GAS2: variants seen among roughly 807,000 people sequenced by gnomAD.
GAS2 encodes the protein growth arrest-specific protein 2.
GAS2 carries 20 observed loss-of-function variants against 37.5 expected under a neutral mutation model. The ratio of observed to expected loss-of-function variants is 0.53; its 90% CI spans 0.37 to 0.77. The LOEUF is 0.77. GAS2 is among the 30% of genes least tolerant of loss of function. GAS2 has a pLI of 0.00. For missense variants in GAS2, 336 were observed against 373.4 expected (o/e 0.90, Z 0.82); for synonymous variants, 144 against 132.2 (o/e 1.09, Z -0.61).
intron 2 of GAS2, among the ~76,000 whole-genome samples, chr11:22,676,695 A>G (rs1565079073): frequency 6.6e-6 from 1 of 152,200 alleles, no homozygotes; most frequent in Non-Finnish European, 1.5e-5. Flanking sequence ...TAGTTCAGTG[A>G]AACTTAATTT....
intron 7 of GAS2, among the ~76,000 whole-genome samples, chr11:22,792,325 A>G (rs1053817144): frequency 2.6e-5 from 4 of 152,220 alleles, no homozygotes; most frequent in Non-Finnish European, 5.9e-5. Context: ...GATGGGAATA[A>G]TTTATACACA....
chr11:22,692,761 A>G (rs1007738961), intron 3 of GAS2, among the ~76,000 whole-genome samples: 4 of 152,124 alleles, frequency 2.6e-5, no homozygotes, highest in African/African-American at 9.7e-5. Flanking sequence ...CACATACTCA[A>G]TGGTAAAGTA....
rs538632752 is a variant in GAS2, at chr11:22,790,253, G to A, written c.724-21545G>A. Reference sequence around the variant, plus strand: ...CCCCTGGTGCAGTCAACCCTCTTTAGCCTGGACCACTGCAATAGCGTTCAG... The same window carrying A: ...CCCCTGGTGCAGTCAACCCTCTTTAACCTGGACCACTGCAATAGCGTTCAG... On this transcript the variant is annotated intron_variant, in intron 7 of 7. Coordinates refer to ENST00000454584, the MANE Select transcript of GAS2 (RefSeq NM_001143830.3). 8.5e-5 allele frequency among the ~76,000 whole-genome samples: 13 copies of A among 152,272 alleles called. No homozygotes were observed. The South Asian group carries it at 2.7e-3, about 32-fold the overall frequency.
At chr11:22,790,900 T>C (rs553252553) in intron 7 of GAS2, among the ~76,000 whole-genome samples, 25 of 152,220 alleles carry the variant, frequency 1.6e-4, no homozygotes, top group Non-Finnish European at 3.5e-4. Context: ...AGAAGACCTG[T>C]TTTTTGCTTC....
chr11:22,685,617 T>C, intron 2 of GAS2, 51 bp from the exon 3 acceptor site: 1 of 1,576,810 alleles, frequency 6.3e-7, no homozygotes. Flanking sequence ...TTATTTAGTG[T>C]GAATCTGACA....
chr11:22,765,317 G>A (rs1402444478), intron 7 of GAS2, among the ~76,000 whole-genome samples: 2 of 152,004 alleles, frequency 1.3e-5, no homozygotes, highest in African/African-American at 2.4e-5. Flanking sequence ...GAGTTGAACC[G>A]GTCCACTGAT....
chr11:22,785,366 G>A (rs1855771834), intron 7 of GAS2, among the ~76,000 whole-genome samples: 1 of 152,036 alleles, frequency 6.6e-6, no homozygotes, highest in African/African-American at 2.4e-5. Flanking sequence ...GATTCACTCT[G>A]TTGCATTGTC....
intron 1 of GAS2, among the ~76,000 whole-genome samples, chr11:22,650,435 C>A (rs1006996535): frequency 1.0e-3 from 152 of 151,954 alleles, no homozygotes; most frequent in African/African-American, 3.6e-3. Flanking sequence ...CTATTAGGTC[C>A]GTTTGGTGCA....
intron 7 of GAS2, among the ~76,000 whole-genome samples, chr11:22,792,171 A>G (rs147626145): frequency 6.6e-6 from 1 of 152,232 alleles, no homozygotes; most frequent in Non-Finnish European, 1.5e-5. Flanking sequence ...AAGAAAACAC[A>G]TATCATTTGA....
At chr11:22,782,172 A>T (rs929040191) in intron 7 of GAS2, among the ~76,000 whole-genome samples, 3 of 152,142 alleles carry the variant, frequency 2.0e-5, no homozygotes, top group African/African-American at 7.2e-5. Flanking sequence ...TTATGCAACT[A>T]TTGTGGGAAT....
At chr11:22,644,505 C>T (rs866491221) in intron 1 of GAS2, among the ~76,000 whole-genome samples, 5 of 152,160 alleles carry the variant, frequency 3.3e-5, no homozygotes, top group Non-Finnish European at 5.9e-5. Flanking sequence ...GTCAAAACTA[C>T]TATAGCTTAC....
At chr11:22,779,157 C>T (rs1021624009) in intron 7 of GAS2, among the ~76,000 whole-genome samples, 2 of 151,750 alleles carry the variant, frequency 1.3e-5, no homozygotes, top group African/African-American at 4.8e-5. Context: ...TCTATCTCTC[C>T]ACCCACAAAA....
chr11:22,716,508 C>A (rs1851683630), intron 3 of GAS2, among the ~76,000 whole-genome samples: 1 of 151,854 alleles, frequency 6.6e-6, no homozygotes, highest in Admixed American at 6.6e-5. Context: ...GGCACCATGA[C>A]ACACACCTAT....
intron 7 of GAS2, among the ~76,000 whole-genome samples, chr11:22,789,447 T>TTTATATATATC (rs1856018446): frequency 1.0e-5 from 1 of 100,212 alleles, no homozygotes; most frequent in Non-Finnish European, 2.1e-5. Flanking sequence ...TATATATATA[T>TTTATATATATC]ATATATATTC....
intron 5 of GAS2, among the ~76,000 whole-genome samples, chr11:22,744,058 G>A (rs548673575): frequency 6.6e-6 from 1 of 152,002 alleles, no homozygotes; most frequent in African/African-American, 2.4e-5. Flanking sequence ...ATAAAATCCT[G>A]GAAACATACA....
chr11:22,673,758 C>T (rs1448335712), intron 1 of GAS2, among the ~76,000 whole-genome samples: 1 of 151,814 alleles, frequency 6.6e-6, no homozygotes, highest in African/African-American at 2.4e-5. Flanking sequence ...AAATACAAAA[C>T]AAACAAACAA....
chr11:22,656,144 A>G (rs1269670404), intron 1 of GAS2, among the ~76,000 whole-genome samples: 22 of 152,238 alleles, frequency 1.4e-4, no homozygotes, highest in Admixed American at 1.4e-3. Context: ...TATAATTTCT[A>G]CAAATCTTAA....
At chr11:22,655,853 A>G (rs967805692) in intron 1 of GAS2, among the ~76,000 whole-genome samples, 3 of 152,226 alleles carry the variant, frequency 2.0e-5, no homozygotes, top group African/African-American at 7.2e-5. Context: ...AAATTAGCAC[A>G]ATATTTAAGG....
At chr11:22,680,894 C>T (rs1387898299) in intron 2 of GAS2, among the ~76,000 whole-genome samples, 1 of 152,090 alleles carries the variant, frequency 6.6e-6, no homozygotes, top group Non-Finnish European at 1.5e-5. Flanking sequence ...CCTCTACCCT[C>T]GAATTGGGTG....
Sources: allele counts gnomAD v4.1 joint callset (sites outside exome capture counted in the v4.1 genomes callset), GRCh38; gene constraint gnomAD v4.1.1; transcripts MANE v1.5; gene names NCBI Gene and HGNC (gene_info 2026-07-23, HGNC 2026-07-21).